Variants in IL1R1 observed in about 807,000 individuals in gnomAD.
The protein encoded by IL1R1 is interleukin-1 receptor type 1.
In IL1R1, 22 loss-of-function variants were observed where a neutral mutation model predicts 50.2. The ratio of observed to expected loss-of-function variants is 0.44; its 90% CI spans 0.31 to 0.63. The LOEUF is 0.63. Among genes scored for constraint, IL1R1 ranks in the 20% least tolerant of loss-of-function variants. IL1R1 has a pLI of 0.07. For missense variants in IL1R1, 509 were observed against 676.2 expected (o/e 0.75, Z 2.74); for synonymous variants, 251 against 236.7 (o/e 1.06, Z -0.55).
chr2:102,132,415 T>G (rs1176949635), intron 1 of IL1R1, among the ~76,000 whole-genome samples: 1 of 152,198 alleles, frequency 6.6e-6, no homozygotes, highest in Non-Finnish European at 1.5e-5. Context: ...ATTTTAGGGT[T>G]CCTGTATGTA....
chr2:102,113,447 C>T (rs1159328561), intron 1 of IL1R1, among the ~76,000 whole-genome samples: 1 of 152,224 alleles, frequency 6.6e-6, no homozygotes, highest in Non-Finnish European at 1.5e-5. Flanking sequence ...GCTGCTCAGT[C>T]ATGTATACCA....
At chr2:102,097,826 A>C (rs1176949520) in intron 1 of IL1R1, among the ~76,000 whole-genome samples, 1 of 152,120 alleles carries the variant, frequency 6.6e-6, no homozygotes, top group Non-Finnish European at 1.5e-5. Flanking sequence ...ATGATATTTG[A>C]GTGAGTTCTA....
intron 1 of IL1R1, among the ~76,000 whole-genome samples, chr2:102,148,708 A>G (rs987572921): frequency 7.2e-5 from 11 of 152,250 alleles, no homozygotes; most frequent in Non-Finnish European, 1.6e-4. Context: ...ATTCTAAGCC[A>G]GGGCTTGTGT....
chr2:102,168,698 G>GT (rs55639750), intron 7 of IL1R1, 35 bp downstream of exon 7: 48,851 of 1,224,646 alleles, frequency 0.04, 248 homozygotes, highest in South Asian at 0.13. Context: ...GCTGGAATCG[G>GT]TTTTTTTTTT....
intron 1 of IL1R1, among the ~76,000 whole-genome samples, chr2:102,110,895 A>C (rs777994564): frequency 5.9e-5 from 9 of 152,172 alleles, no homozygotes; most frequent in Non-Finnish European, 1.3e-4. Context: ...AGAAGGCTGC[A>C]GAGACAGCGA....
intron 1 of IL1R1, among the ~76,000 whole-genome samples, chr2:102,083,499 G>C (rs1337276877): frequency 6.6e-6 from 1 of 152,106 alleles, no homozygotes; most frequent in African/African-American, 2.4e-5. Flanking sequence ...TAATCCCTGA[G>C]CTGGCCTTGA....
intron 1 of IL1R1, among the ~76,000 whole-genome samples, chr2:102,070,891 T>C (rs2104259071): frequency 6.6e-6 from 1 of 152,194 alleles, no homozygotes. Context: ...GGCTTGAGGG[T>C]TGGGGTGGCT....
intron 1 of IL1R1, among the ~76,000 whole-genome samples, chr2:102,092,065 C>A (rs1679692645): frequency 6.6e-6 from 1 of 152,186 alleles, no homozygotes; most frequent in Admixed American, 6.5e-5. Flanking sequence ...TTTCCAGTTA[C>A]CTACACTATC....
intron 1 of IL1R1, among the ~76,000 whole-genome samples, chr2:102,095,573 G>A (rs1235163656): frequency 6.6e-6 from 1 of 152,154 alleles, no homozygotes; most frequent in Non-Finnish European, 1.5e-5. Context: ...AACATAATTG[G>A]CATCTTTGAA....
chr2:102,125,899 G>C (rs1466008311), intron 1 of IL1R1, among the ~76,000 whole-genome samples: 1 of 152,108 alleles, frequency 6.6e-6, no homozygotes. Flanking sequence ...TTGCTGAGTA[G>C]GTCACAAACC....
chr2:102,109,674 G>C (rs1418560692), intron 1 of IL1R1, among the ~76,000 whole-genome samples: 1 of 152,230 alleles, frequency 6.6e-6, no homozygotes, highest in Non-Finnish European at 1.5e-5. Context: ...GGGCCAATGT[G>C]AAATGGATTT....
chr2:102,123,109 C>T (rs1248332949), intron 1 of IL1R1, among the ~76,000 whole-genome samples: 1 of 152,198 alleles, frequency 6.6e-6, no homozygotes, highest in African/African-American at 2.4e-5. Flanking sequence ...AGATGGAATG[C>T]AGTATACTCA....
At chr2:102,124,374 T>C (rs543713248) in intron 1 of IL1R1, among the ~76,000 whole-genome samples, 48 of 151,564 alleles carry the variant, frequency 3.2e-4, no homozygotes, top group African/African-American at 1.1e-3. Flanking sequence ...GAGCTGAGAT[T>C]GCGCCACTGC....
chr2:102,144,311 G>A (rs1207948783), intron 1 of IL1R1, among the ~76,000 whole-genome samples: 1 of 152,206 alleles, frequency 6.6e-6, no homozygotes, highest in African/African-American at 2.4e-5. Context: ...GCTGCTGTGT[G>A]TGAAGCGTCT....
chr2:102,124,209 G>T (rs1345135283), intron 1 of IL1R1, among the ~76,000 whole-genome samples: 3 of 152,176 alleles, frequency 2.0e-5, no homozygotes, highest in African/African-American at 7.2e-5. Flanking sequence ...ATTGCCCAAG[G>T]TCAGGAGTTC....
At chr2:102,105,502 C>T (rs1379708925) in intron 1 of IL1R1, among the ~76,000 whole-genome samples, 1 of 152,092 alleles carries the variant, frequency 6.6e-6, no homozygotes, top group Non-Finnish European at 1.5e-5. Context: ...GTAGCTGGGA[C>T]TATAGGCGCC....
chr2:102,097,922 T>C (rs2104329234), intron 1 of IL1R1, among the ~76,000 whole-genome samples: 1 of 152,178 alleles, frequency 6.6e-6, no homozygotes, highest in Middle Eastern at 3.4e-3. Flanking sequence ...TAATATATTA[T>C]ATGAAGCTGG....
At chr2:102,123,559 T>G (rs1681519827) in intron 1 of IL1R1, among the ~76,000 whole-genome samples, 1 of 152,250 alleles carries the variant, frequency 6.6e-6, no homozygotes, top group Admixed American at 6.5e-5. Context: ...ACAGATCACC[T>G]GAGGTCAGGA....
chr2:102,166,939 G>A (rs1194464536), intron 6 of IL1R1, among the ~76,000 whole-genome samples: 1 of 152,152 alleles, frequency 6.6e-6, no homozygotes, highest in Non-Finnish European at 1.5e-5. Context: ...CGTTAACCAT[G>A]TTTCATATTG....
Sources: gnomAD v4.1 joint callset for allele counts (sites outside exome capture counted in the v4.1 genomes callset) on GRCh38, gnomAD v4.1.1 for gene constraint, MANE v1.5 for transcripts, NCBI Gene and HGNC (gene_info 2026-07-23, HGNC 2026-07-21) for gene names.